The following ARHGEF10L variants were observed in gnomAD, a reference collection of about 807,000 sequenced individuals.
The protein encoded by ARHGEF10L is Rho guanine nucleotide exchange factor 10 like.
In ARHGEF10L, 69 loss-of-function variants were observed where a neutral mutation model predicts 141.2. That is an observed-to-expected ratio of 0.49 (90% CI 0.40 to 0.60). The LOEUF (loss-of-function observed/expected upper bound fraction) is 0.60, where lower values mean the gene tolerates loss of function less well. Ranked by LOEUF, ARHGEF10L falls within the 20% of genes least tolerant of loss-of-function variation. The probability of loss-of-function intolerance (pLI) is 0.00; values close to 1 mark genes in which losing one functional copy is unlikely to be tolerated. For missense variants in ARHGEF10L, 1,482 were observed against 1,734.3 expected, an observed-to-expected ratio of 0.85 and a Z score of 2.58; for synonymous variants, 711 against 718.5, an observed-to-expected ratio of 0.99 and a Z score of 0.17.
At chr1:17,635,677 C>G (rs911328555) in intron 18 of ARHGEF10L, among the ~76,000 whole-genome samples, 7 of 152,210 alleles carry the variant, frequency 4.6e-5, no homozygotes, top group African/African-American at 1.7e-4. Context: ...CCTGTGCTCT[C>G]GAGACCTCTG....
At chr1:17,593,759 CACT>C (rs148291439) in intron 4 of ARHGEF10L, among the ~76,000 whole-genome samples, 8,202 of 152,002 alleles carry the variant, frequency 0.054, 226 homozygotes, top group Middle Eastern at 0.092. Context: ...TGTTGTAAGT[CACT>C]AAGTTCGTGG....
At chr1:17,550,848 G>C (rs2077086570) in intron 1 of ARHGEF10L, among the ~76,000 whole-genome samples, 1 of 152,048 alleles carries the variant, frequency 6.6e-6, no homozygotes, top group African/African-American at 2.4e-5. Context: ...GGAGGAGGAG[G>C]AGCCAGGGCA....
chr1:17,638,321 C>T (rs2061135435), intron 19 of ARHGEF10L, among the ~76,000 whole-genome samples: 1 of 152,230 alleles, frequency 6.6e-6, no homozygotes, highest in South Asian at 2.1e-4. Flanking sequence ...GGAGGGGAAG[C>T]TGGCTGCGAC....
Position 17,627,359 on chromosome 1 carries a change from T to C in ARHGEF10L, c.1440T>C (p.His480=). Residue 480 remains histidine, a synonymous_variant, in exon 15 of 29, where the codon CAT becomes CAC. Coordinates refer to ENST00000361221, the MANE Select transcript of ARHGEF10L (RefSeq NM_018125.4). The surrounding 1 kb of genome is among the most constrained non-coding windows in gnomAD (Gnocchi z 4.0). ...TGCTGAAGAACACCCCCAGGGGCCA[T>C]CCGGACAGGCTGTCGCTGCAGCTGG... is the stretch of plus-strand genomic sequence containing the variant. ...QDMLKNTPRG[H]PDRLSLQLAL... is the part of the protein sequence containing the mutation. The C allele has an allele frequency of 6.2e-7, 1 of 1,614,114 alleles. No homozygotes were observed. Among genetic ancestry groups the C allele is most frequent in the Non-Finnish European group, 8.5e-7 (1 of 1,180,024 alleles).
At chr1:17,518,878 G>T in the ARHGEF10L span, among the ~76,000 whole-genome samples, 1 of 150,952 alleles carries the variant, frequency 6.6e-6, no homozygotes, top group South Asian at 2.1e-4. Context: ...CTGCCCTTAA[G>T]CAGCATCAGT....
At chr1:17,691,225 G>GAT (rs2065079958) in intron 27 of ARHGEF10L, 1 of 406,324 alleles carries the variant, frequency 2.5e-6, no homozygotes, top group Non-Finnish European at 4.7e-6. Flanking sequence ...AAGTCTCTGT[G>GAT]ATAAAATATT....
intron 26 of ARHGEF10L, among the ~76,000 whole-genome samples, chr1:17,672,827 G>A (rs1178550858): frequency 6.6e-6 from 1 of 152,054 alleles, no homozygotes; most frequent in Non-Finnish European, 1.5e-5. Flanking sequence ...ACCCCATAGG[G>A]CCTTCTTATG....
In ARHGEF10L at chr1:17,609,247, C is replaced by T. The variant is rs765141028; in HGVS notation, c.609+1270C>T. Reference sequence around the variant, plus strand: ...GGCATGCTGGCCGGAGGAACACCCACACCTGAGTCCTCAGGCAGCCATTCC... The same window carrying T: ...GGCATGCTGGCCGGAGGAACACCCATACCTGAGTCCTCAGGCAGCCATTCC... On this transcript the variant is annotated intron_variant, in intron 7 of 28. Coordinates refer to ENST00000361221, the MANE Select transcript of ARHGEF10L (RefSeq NM_018125.4). Among the ~76,000 whole-genome samples, 21 of 152,230 alleles carry T rather than the reference C, an allele frequency of 1.4e-4. 1 individual carries two copies. The highest frequency in any genetic ancestry group is 2.6e-4 in the Admixed American group (4 of 15,292).
chr1:17,586,344 C>T (rs1312419216), intron 2 of ARHGEF10L, among the ~76,000 whole-genome samples: 1 of 152,228 alleles, frequency 6.6e-6, no homozygotes, highest in Non-Finnish European at 1.5e-5. Context: ...GAGCGCAGAG[C>T]TCATGCCTAA....
intron 4 of ARHGEF10L, among the ~76,000 whole-genome samples, chr1:17,597,053 G>A (rs937333440): frequency 6.6e-6 from 1 of 152,166 alleles, no homozygotes; most frequent in Non-Finnish European, 1.5e-5. Context: ...CTCCTCTGCC[G>A]GCAATGTAGG....
At chr1:17,560,616 A>G (rs1429409480) in intron 1 of ARHGEF10L, among the ~76,000 whole-genome samples, 3 of 152,190 alleles carry the variant, frequency 2.0e-5, no homozygotes, top group African/African-American at 7.2e-5. Context: ...CCCAGGCTGG[A>G]GTACAATGGC....
rs186482352 is a variant in ARHGEF10L at position 17,567,406 on chromosome 1, G to A, written c.-43-13147G>A. On this transcript the variant is annotated intron_variant, in intron 1 of 28. Transcript: ENST00000361221. ...TTTTGAGATGTAGTCTCACTCTGTC[G>A]CCCAGGCTGGAGTACAATGGCGCGA... 3.9e-3 allele frequency among the ~76,000 whole-genome samples: 587 copies of A among 152,124 alleles called. 13 individuals are homozygous for A. Among genetic ancestry groups the A allele is most frequent in the Admixed American group, 0.036 (557 of 15,286 alleles).
upstream of ARHGEF10L, among the ~76,000 whole-genome samples, chr1:17,535,613 CA>C (rs200183724): frequency 0.028 from 4,258 of 152,302 alleles, 98 homozygotes; most frequent in Non-Finnish European, 0.043. Context: ...CCCAGGTCAG[CA>C]GCGGAGACAA....
chr1:17,532,596 CTT>C, the ARHGEF10L span, among the ~76,000 whole-genome samples: 13 of 137,536 alleles, frequency 9.5e-5, no homozygotes, highest in African/African-American at 1.1e-4. Flanking sequence ...CACCCTTGAT[CTT>C]TTTTTTTTTT....
intron 1 of ARHGEF10L, among the ~76,000 whole-genome samples, chr1:17,543,938 G>A (rs952800387): frequency 4.6e-5 from 7 of 150,852 alleles, no homozygotes; most frequent in Non-Finnish European, 1.0e-4. Flanking sequence ...ATGAGCCACC[G>A]CGCCTGGCTG....
chr1:17,533,781 C>T, the ARHGEF10L span, among the ~76,000 whole-genome samples: 1 of 152,116 alleles, frequency 6.6e-6, no homozygotes, highest in Non-Finnish European at 1.5e-5. Context: ...ACTCTATCAT[C>T]CTTATTTGTA....
At chr1:17,624,128 G>T (rs896576562) in intron 12 of ARHGEF10L, among the ~76,000 whole-genome samples, 1 of 152,198 alleles carries the variant, frequency 6.6e-6, no homozygotes, top group African/African-American at 2.4e-5. Flanking sequence ...GGGAGGCGAA[G>T]GTCCCCTGGG....
intron 25 of ARHGEF10L, among the ~76,000 whole-genome samples, chr1:17,658,731 A>G (rs1037111642): frequency 6.6e-6 from 1 of 152,054 alleles, no homozygotes; most frequent in African/African-American, 2.4e-5. Context: ...TCGGTTAGTA[A>G]ACAAGCAGAA....
chr1:17,696,415 A>G (rs961590351), intron 28 of ARHGEF10L, among the ~76,000 whole-genome samples: 1 of 152,054 alleles, frequency 6.6e-6, no homozygotes, highest in African/African-American at 2.4e-5. Context: ...CTCGGGTGAC[A>G]GGTGCTGGGA....
Sources: allele counts gnomAD v4.1 joint callset (sites outside exome capture counted in the v4.1 genomes callset), GRCh38; gene constraint gnomAD v4.1.1; non-coding constraint Gnocchi (gnomAD v3.1); transcripts MANE v1.5; gene names NCBI Gene and HGNC (gene_info 2026-07-23, HGNC 2026-07-21).